Variants in DLGAP2 observed in about 807,000 individuals in gnomAD.
DLGAP2 encodes the protein DLG associated protein 2.
In DLGAP2, 26 loss-of-function variants were observed where a neutral mutation model predicts 100.3. The observed-to-expected ratio is 0.26, with a 90% CI of 0.19 to 0.36. The LOEUF is 0.36. Ranked by LOEUF, DLGAP2 falls within the 10% of genes least tolerant of loss-of-function variation. DLGAP2 has a pLI of 1.00. For missense variants in DLGAP2, 1,858 were observed against 1,453.2 expected (o/e 1.28, Z -4.53); for synonymous variants, 886 against 630.1 (o/e 1.41, Z -6.08).
chr8:973,239 C>T (rs1281314455), intron 2 of DLGAP2, among the ~76,000 whole-genome samples: 18 of 147,498 alleles, frequency 1.2e-4, no homozygotes, highest in Non-Finnish European at 2.4e-4. Flanking sequence ...GGCGGCTGGC[C>T]GGGCGGAGGC....
chr8:1,432,424 G>A, intron 3 of DLGAP2, among the ~76,000 whole-genome samples: 1 of 152,156 alleles, frequency 6.6e-6, no homozygotes, highest in Non-Finnish European at 1.5e-5. Flanking sequence ...CCCAACCAAG[G>A]AAGCCACAGT....
At chr8:1,232,140 T>C (rs1447259850) in intron 2 of DLGAP2, among the ~76,000 whole-genome samples, 2 of 152,202 alleles carry the variant, frequency 1.3e-5, no homozygotes, top group African/African-American at 4.8e-5. Flanking sequence ...CATCCAGCAC[T>C]GTCCCCTTCA....
chr8:1,302,931 T>C (rs1312325974), intron 3 of DLGAP2, among the ~76,000 whole-genome samples: 1 of 152,216 alleles, frequency 6.6e-6, no homozygotes, highest in Non-Finnish European at 1.5e-5. Flanking sequence ...TTTTGGTAGA[T>C]TCAGTAAAAC....
chr8:889,220 G>A (rs1205712778), intron 1 of DLGAP2, among the ~76,000 whole-genome samples: 3 of 152,214 alleles, frequency 2.0e-5, no homozygotes, highest in Non-Finnish European at 2.9e-5. Flanking sequence ...GCAGGAACCG[G>A]CCATGTGGAT....
intron 1 of DLGAP2, among the ~76,000 whole-genome samples, chr8:859,658 C>G (rs1478606368): frequency 6.6e-6 from 1 of 152,164 alleles, no homozygotes; most frequent in Non-Finnish European, 1.5e-5. Flanking sequence ...AGGCCTCTGG[C>G]TGCCTTCGGT....
At chr8:1,140,738 G>A (rs1324936998) in intron 2 of DLGAP2, among the ~76,000 whole-genome samples, 1 of 152,212 alleles carries the variant, frequency 6.6e-6, no homozygotes, top group Non-Finnish European at 1.5e-5. Flanking sequence ...TTGGGAGGCT[G>A]AGGTGGGCAG....
intron 2 of DLGAP2, among the ~76,000 whole-genome samples, chr8:1,219,594 T>C (rs917659760): frequency 7.9e-5 from 12 of 152,188 alleles, no homozygotes; most frequent in Admixed American, 5.9e-4. Context: ...TTTGTATCTC[T>C]GCCAGGTTTT....
intron 3 of DLGAP2, among the ~76,000 whole-genome samples, chr8:1,439,222 A>G (rs1000925299): frequency 2.0e-5 from 3 of 152,174 alleles, no homozygotes; most frequent in Non-Finnish European, 4.4e-5. Context: ...AGGCAGGAGC[A>G]TGGTCACCGG....
intron 3 of DLGAP2, among the ~76,000 whole-genome samples, chr8:1,357,801 G>C (rs1801891057): frequency 6.6e-6 from 1 of 152,190 alleles, no homozygotes; most frequent in Non-Finnish European, 1.5e-5. Flanking sequence ...GTGCTCTTCA[G>C]ACATACGCTG....
intron 2 of DLGAP2, among the ~76,000 whole-genome samples, chr8:1,080,510 G>C (rs147728020): frequency 2.0e-3 from 303 of 152,286 alleles, no homozygotes; most frequent in African/African-American, 4.5e-3. Flanking sequence ...TTGTGTAAGG[G>C]ACTCATCAGG....
At position 1,006,138 on chromosome 8, in the gene DLGAP2, G is replaced by A. The variant is rs540369721; in HGVS notation, c.73+98172G>A. Among the ~76,000 whole-genome samples the A allele has an allele frequency of 1.0e-3, 158 of 152,192 alleles. 2 individuals are homozygous for A. The highest frequency in any genetic ancestry group is 3.7e-3 in the African/African-American group (154 of 41,516). On this transcript the variant is annotated intron_variant, in intron 2 of 14. Coordinates refer to ENST00000637795, the MANE Select transcript of DLGAP2 (RefSeq NM_001346810.2). ...AGGGAGTCTGACGTTGCAGTGAGCC[G>A]AGATCGCACCACTGCACTCCAGCCT...
chr8:1,693,189 GTA>G (rs1308782929), intron 13 of DLGAP2, among the ~76,000 whole-genome samples: 8 of 146,748 alleles, frequency 5.5e-5, no homozygotes, highest in Admixed American at 4.8e-4. Flanking sequence ...CAAATATATA[GTA>G]TATATAAAAT....
At chr8:1,342,678 A>G (rs1361901826) in intron 3 of DLGAP2, among the ~76,000 whole-genome samples, 1 of 152,170 alleles carries the variant, frequency 6.6e-6, no homozygotes, top group African/African-American at 2.4e-5. Context: ...TCTCATCCCT[A>G]ACTTTATATT....
At chr8:972,430 A>T (rs1008104427) in intron 2 of DLGAP2, among the ~76,000 whole-genome samples, 2 of 152,222 alleles carry the variant, frequency 1.3e-5, no homozygotes, top group Admixed American at 6.5e-5. Flanking sequence ...AAGCAAAGAG[A>T]TGGAAACTCT....
chr8:1,513,350 G>A (rs894059353), intron 4 of DLGAP2, among the ~76,000 whole-genome samples: 19 of 151,704 alleles, frequency 1.3e-4, no homozygotes, highest in African/African-American at 4.6e-4. Context: ...CTCCAGGGAG[G>A]CTCGGTGGGA....
intron 6 of DLGAP2, among the ~76,000 whole-genome samples, chr8:1,569,268 C>G (rs1802558897): frequency 6.6e-6 from 1 of 152,288 alleles, no homozygotes; most frequent in Non-Finnish European, 1.5e-5. Flanking sequence ...GGATTTATCA[C>G]TCCATTGATG....
chr8:983,488 A>C (rs970961083), intron 2 of DLGAP2, among the ~76,000 whole-genome samples: 1 of 152,232 alleles, frequency 6.6e-6, no homozygotes, highest in Admixed American at 6.5e-5. Flanking sequence ...GTGTTGGTGG[A>C]AAGTACAGGT....
intron 3 of DLGAP2, among the ~76,000 whole-genome samples, chr8:1,410,327 C>T (rs554945363): frequency 1.7e-4 from 26 of 152,300 alleles, no homozygotes; most frequent in Admixed American, 6.5e-4. Context: ...TTCACGCGTG[C>T]GGCACCGTGG....
intron 2 of DLGAP2, among the ~76,000 whole-genome samples, chr8:1,077,321 G>A (rs540633024): frequency 6.6e-6 from 1 of 152,304 alleles, no homozygotes; most frequent in South Asian, 2.1e-4. Flanking sequence ...TTCAGCACAT[G>A]CCCCTGCAGG....
Sources: allele counts gnomAD v4.1 joint callset (sites outside exome capture counted in the v4.1 genomes callset), GRCh38; gene constraint gnomAD v4.1.1; transcripts MANE v1.5; gene names NCBI Gene and HGNC (gene_info 2026-07-23, HGNC 2026-07-21).